Variants in LYPD6 observed in about 807,000 individuals in gnomAD.
LYPD6 encodes LY6/PLAUR domain containing 6.
In LYPD6, 15 loss-of-function variants were observed where a neutral mutation model predicts 22.7. The observed-to-expected ratio is 0.66, with a 90% CI of 0.44 to 1.02. The LOEUF (loss-of-function observed/expected upper bound fraction) is 1.02, where lower values mean the gene tolerates loss of function less well. Among genes scored for constraint, LYPD6 ranks in the 50% least tolerant of loss-of-function variants. The pLI is 0.00. For synonymous variants in LYPD6, 72 were observed against 77.5 expected (o/e 0.93, Z 0.37); for missense variants, 189 against 208.4 (o/e 0.91, Z 0.57).
In LYPD6 at chr2:149,427,896, A is replaced by G. The variant is rs1683219918; in HGVS notation, c.-71-9742A>G. Among the ~76,000 whole-genome samples, 6 of 152,256 alleles carry G rather than the reference A, an allele frequency of 3.9e-5. No individual in the cohort carries two copies. In the South Asian group the frequency reaches 1.2e-3, roughly 31 times the overall value. On this transcript the variant is annotated intron_variant, in intron 1 of 4. Coordinates refer to ENST00000334166, the MANE Select transcript of LYPD6 (RefSeq NM_194317.5). ...ACATCATTTGCCCTTCAGGAATTGA[A>G]GTATTTTGATGCAATTGAACTTTAA...
At chr2:149,345,472 AT>A (rs60780602) in intron 1 of LYPD6, among the ~76,000 whole-genome samples, 228 of 133,680 alleles carry the variant, frequency 1.7e-3, no homozygotes, top group Middle Eastern at 3.8e-3. Context: ...ACACCTGGCT[AT>A]TTTTTTTTTT....
downstream of LYPD6, among the ~76,000 whole-genome samples, chr2:149,474,461 G>C (rs929540687): frequency 1.3e-5 from 2 of 152,170 alleles, no homozygotes; most frequent in African/African-American, 4.8e-5. Flanking sequence ...TCCTACCTCA[G>C]CCTCCCAAAG....
chr2:149,428,327 AT>A, intron 1 of LYPD6, among the ~76,000 whole-genome samples: 2 of 152,262 alleles, frequency 1.3e-5, no homozygotes, highest in East Asian at 3.9e-4. Flanking sequence ...GCAAAGGGAG[AT>A]TTATTGGATG....
At chr2:149,362,803 C>T (rs1044027793) in intron 1 of LYPD6, among the ~76,000 whole-genome samples, 20 of 152,180 alleles carry the variant, frequency 1.3e-4, no homozygotes, top group African/African-American at 3.4e-4. Flanking sequence ...TAATCCATTC[C>T]GAGTCACCTC....
rs1461704966 is a variant in LYPD6 at position 149,470,884 on chromosome 2, A to G, written c.*34A>G. The G allele has an allele frequency of 1.9e-6, 3 of 1,581,432 alleles. No individual in the cohort carries two copies. The highest frequency in any genetic ancestry group is 1.3e-5 in the African/African-American group (1 of 74,252). On this transcript the variant is annotated 3_prime_UTR_variant, in exon 5 of 5. Coordinates refer to ENST00000334166, the MANE Select transcript of LYPD6 (RefSeq NM_194317.5). ...TGGCTCCATGTGTTAATAGCGATCC[A>G]TGGGGATCTCGATGGTCCACAGACC...
At chr2:149,357,784 G>A (rs1241478119) in intron 1 of LYPD6, among the ~76,000 whole-genome samples, 1 of 136,964 alleles carries the variant, frequency 7.3e-6, no homozygotes. Context: ...TCTTTTCTTT[G>A]CTTTTTTTTT....
At chr2:149,396,474 T>C (rs962860453) in intron 1 of LYPD6, among the ~76,000 whole-genome samples, 2 of 152,180 alleles carry the variant, frequency 1.3e-5, no homozygotes, top group East Asian at 3.9e-4. Context: ...CAGAAATCTT[T>C]AATATTTATT....
chr2:149,411,847 T>C (rs995102846), intron 1 of LYPD6, among the ~76,000 whole-genome samples: 1 of 152,194 alleles, frequency 6.6e-6, no homozygotes, highest in African/African-American at 2.4e-5. Flanking sequence ...AAAATAAAGG[T>C]TAGACATAGA....
At chr2:149,447,909 G>A (rs1051156526) in intron 2 of LYPD6, among the ~76,000 whole-genome samples, 1 of 152,194 alleles carries the variant, frequency 6.6e-6, no homozygotes, top group Non-Finnish European at 1.5e-5. Flanking sequence ...GCCGAGGCTG[G>A]AAAATCCCTT....
At chr2:149,484,114 C>G in the LYPD6 span, among the ~76,000 whole-genome samples, 2 of 152,302 alleles carry the variant, frequency 1.3e-5, no homozygotes, top group South Asian at 2.1e-4. Context: ...TGCTCTCTTT[C>G]AACTGCTTAT....
At chr2:149,403,449 T>A (rs1444161701) in intron 1 of LYPD6, among the ~76,000 whole-genome samples, 2 of 149,880 alleles carry the variant, frequency 1.3e-5, no homozygotes, top group African/African-American at 5.0e-5. Flanking sequence ...GGTATCTCAT[T>A]GTGGTTTTGA....
At chr2:149,385,591 GA>G (rs1333394621) in intron 1 of LYPD6, among the ~76,000 whole-genome samples, 1 of 152,164 alleles carries the variant, frequency 6.6e-6, no homozygotes, top group Non-Finnish European at 1.5e-5. Context: ...ATGACCAGTG[GA>G]TTCAGTGAAA....
At chr2:149,378,299 A>G (rs759112220) in intron 1 of LYPD6, among the ~76,000 whole-genome samples, 3 of 151,908 alleles carry the variant, frequency 2.0e-5, no homozygotes, top group East Asian at 1.9e-4. Flanking sequence ...TGTATTTTTT[A>G]TAGAGACAGA....
chr2:149,421,003 A>G (rs1352901766), intron 1 of LYPD6, among the ~76,000 whole-genome samples: 1 of 152,160 alleles, frequency 6.6e-6, no homozygotes, highest in Non-Finnish European at 1.5e-5. Flanking sequence ...TGAAATGGTA[A>G]TGGGTGAGAG....
intron 1 of LYPD6, among the ~76,000 whole-genome samples, chr2:149,339,833 G>A (rs151058069): frequency 3.3e-5 from 5 of 152,258 alleles, no homozygotes; most frequent in East Asian, 3.9e-4. Flanking sequence ...AGGTGTATGC[G>A]TGAGTAATTA....
At chr2:149,451,431 C>A (rs576162168) in intron 3 of LYPD6, among the ~76,000 whole-genome samples, 1 of 152,298 alleles carries the variant, frequency 6.6e-6, no homozygotes, top group Admixed American at 6.5e-5. Context: ...AATGTGACTG[C>A]TTCTCCTGGT....
chr2:149,482,964 T>TGG, the LYPD6 span, among the ~76,000 whole-genome samples: 6 of 152,162 alleles, frequency 3.9e-5, no homozygotes, highest in Non-Finnish European at 8.8e-5. Flanking sequence ...GAGGAAGCCA[T>TGG]GGCCAAGGAC....
intron 1 of LYPD6, among the ~76,000 whole-genome samples, chr2:149,431,252 A>G (rs1357754679): frequency 6.6e-6 from 1 of 152,238 alleles, no homozygotes; most frequent in African/African-American, 2.4e-5. Context: ...TTCAAATAGC[A>G]GCATCATAAA....
rs529886657 is a variant in LYPD6 at position 149,338,567 on chromosome 2, G to A, written c.-72+7845G>A. Among the ~76,000 whole-genome samples, 4 of 152,142 alleles carry A rather than the reference G, an allele frequency of 2.6e-5. No individual in the cohort carries two copies. In the South Asian group the frequency reaches 8.3e-4, roughly 32 times the overall value. ...GGAGCTCCCTTGTTTCTTCTGCCATGTGAGGACACAGCAACAAGGTGCCAT... is the reference window on the plus strand; with the variant it reads ...GGAGCTCCCTTGTTTCTTCTGCCATATGAGGACACAGCAACAAGGTGCCAT... On this transcript the variant is annotated intron_variant, in intron 1 of 4. Coordinates refer to ENST00000334166, the MANE Select transcript of LYPD6 (RefSeq NM_194317.5).
Sources: gnomAD v4.1 joint callset for allele counts (sites outside exome capture counted in the v4.1 genomes callset) on GRCh38, gnomAD v4.1.1 for gene constraint, MANE v1.5 for transcripts, NCBI Gene and HGNC (gene_info 2026-07-23, HGNC 2026-07-21) for gene names.